Variants in GMDS observed in about 807,000 individuals in gnomAD.
GMDS encodes GDP-mannose 4,6 dehydratase.
A neutral mutation model predicts 49.9 loss-of-function variants in GMDS; 20 were observed. That is an observed-to-expected ratio of 0.40 (90% CI 0.28 to 0.58). The LOEUF (loss-of-function observed/expected upper bound fraction) is 0.58. GMDS is among the 20% of genes least tolerant of loss of function. The pLI, the probability that GMDS is intolerant of heterozygous loss-of-function variation, is 0.42. For missense variants in GMDS, 362 were observed against 481.4 expected (o/e 0.75, Z 2.32); for synonymous variants, 177 against 178.6 (o/e 0.99, Z 0.07).
At chr6:1,692,412 T>C (rs1406233588) in intron 9 of GMDS, among the ~76,000 whole-genome samples, 1 of 152,196 alleles carries the variant, frequency 6.6e-6, no homozygotes, top group African/African-American at 2.4e-5. Flanking sequence ...TAATACAGGG[T>C]TTGTTGAGCT....
intron 6 of GMDS, among the ~76,000 whole-genome samples, chr6:1,934,808 G>A (rs1380515091): frequency 6.6e-6 from 1 of 151,888 alleles, no homozygotes; most frequent in Non-Finnish European, 1.5e-5. Flanking sequence ...CTCTTTTAAG[G>A]AAGAAACTAT....
chr6:1,732,267 C>T (rs968248543), intron 8 of GMDS, among the ~76,000 whole-genome samples: 1 of 152,162 alleles, frequency 6.6e-6, no homozygotes, highest in African/African-American at 2.4e-5. Flanking sequence ...GCGGAGGTTG[C>T]AGTGAGCCCA....
intron 9 of GMDS, among the ~76,000 whole-genome samples, chr6:1,675,559 A>G (rs1263729846): frequency 6.6e-6 from 1 of 152,152 alleles, no homozygotes; most frequent in Non-Finnish European, 1.5e-5. Context: ...ACCATCAAGT[A>G]TAATGTTAGC....
chr6:1,913,151 G>A (rs1448301311), intron 7 of GMDS, among the ~76,000 whole-genome samples: 1 of 152,004 alleles, frequency 6.6e-6, no homozygotes, highest in African/African-American at 2.4e-5. Flanking sequence ...GGAGGCCGAG[G>A]CGGGCGGATC....
At chr6:2,089,682 G>C (rs757113199) in intron 4 of GMDS, among the ~76,000 whole-genome samples, 4 of 152,134 alleles carry the variant, frequency 2.6e-5, no homozygotes, top group Admixed American at 2.6e-4. Context: ...ACTTCCTCCA[G>C]AGAGAAATTC....
intron 7 of GMDS, among the ~76,000 whole-genome samples, chr6:1,783,176 A>G (rs892403649): frequency 6.6e-6 from 1 of 152,108 alleles, no homozygotes; most frequent in Admixed American, 6.5e-5. Flanking sequence ...GAGAGGAGAG[A>G]GGAGAAGGTT....
At chr6:1,654,530 G>A (rs1338525715) in intron 9 of GMDS, among the ~76,000 whole-genome samples, 1 of 152,178 alleles carries the variant, frequency 6.6e-6, no homozygotes, top group Non-Finnish European at 1.5e-5. Context: ...AATACTCCAT[G>A]GTTCCACTTA....
intron 7 of GMDS, among the ~76,000 whole-genome samples, chr6:1,751,421 C>A (rs1016264510): frequency 1.3e-5 from 2 of 151,920 alleles, no homozygotes; most frequent in African/African-American, 4.8e-5. Context: ...CTGGTGATAC[C>A]AAAAAAAACT....
chr6:1,844,231 T>C (rs914904442), intron 7 of GMDS, among the ~76,000 whole-genome samples: 2 of 152,256 alleles, frequency 1.3e-5, no homozygotes, highest in African/African-American at 4.8e-5. Flanking sequence ...AAACCCTGTA[T>C]TTTTCCTAGT....
intron 7 of GMDS, among the ~76,000 whole-genome samples, chr6:1,814,358 G>A (rs193209577): frequency 1.9e-3 from 294 of 152,066 alleles, no homozygotes; most frequent in Middle Eastern, 0.01. Flanking sequence ...TGCATTTTGG[G>A]ACTATAAAGA....
chr6:2,122,952 G>C (rs1031006178), intron 2 of GMDS, among the ~76,000 whole-genome samples: 1 of 152,032 alleles, frequency 6.6e-6, no homozygotes, highest in Admixed American at 6.6e-5. Context: ...TTGTCTTTTT[G>C]TGTCATAATA....
intron 7 of GMDS, among the ~76,000 whole-genome samples, chr6:1,852,252 G>A (rs1179488281): frequency 1.3e-5 from 2 of 152,166 alleles, no homozygotes; most frequent in Non-Finnish European, 2.9e-5. Context: ...TCAAGAGCTC[G>A]CAAAATGCCC....
rs1004538777 is a variant in GMDS, at chr6:1,930,109, A to G, written c.765T>C (p.Tyr255=). 2 of 1,611,382 alleles carry G rather than the reference A, an allele frequency of 1.2e-6. No individual in the cohort carries two copies. Among genetic ancestry groups the G allele is most frequent in the Non-Finnish European group, 1.7e-6 (2 of 1,178,400 alleles). Residue 255 remains tyrosine (Y), a synonymous_variant, in exon 7 of 11, where the codon TAT becomes TAC. Transcript: ENST00000380815. ...AKRDWGHAKD[Y]VEAMWLMLQN... Reference sequence around the variant, plus strand: ...GTAATGTGTCAGTTCCTACCTCCACATAGTCCTTGGCATGGCCCCAATCTC... The same window carrying G: ...GTAATGTGTCAGTTCCTACCTCCACGTAGTCCTTGGCATGGCCCCAATCTC...
At chr6:1,874,573 C>T (rs1758938707) in intron 7 of GMDS, among the ~76,000 whole-genome samples, 2 of 152,094 alleles carry the variant, frequency 1.3e-5, no homozygotes, top group Non-Finnish European at 2.9e-5. Flanking sequence ...ATGTAGCTGT[C>T]GTTATCCTGA....
chr6:1,811,572 T>TC lies in GMDS; in HGVS notation c.772-68987_772-68986insG, dbSNP rs1273975599. Among the ~76,000 whole-genome samples, 358 of 151,702 alleles carry TC rather than the reference T, an allele frequency of 2.4e-3. 1 individual carries two copies. Among genetic ancestry groups the TC allele is most frequent in the African/African-American group, 8.4e-3 (347 of 41,372 alleles). ...TAGTCAAGCTTTTTTTTTTTTTTTT[T>TC]TCAACTGAAGCCCTTCACAATGCTT... On this transcript the variant is annotated intron_variant, in intron 7 of 10. Transcript: ENST00000380815.
At chr6:1,992,354 C>T (rs527749413) in intron 4 of GMDS, among the ~76,000 whole-genome samples, 1 of 152,282 alleles carries the variant, frequency 6.6e-6, no homozygotes, top group Admixed American at 6.5e-5. Flanking sequence ...TGAAGCAAGG[C>T]TGGTGATCAT....
intron 7 of GMDS, among the ~76,000 whole-genome samples, chr6:1,886,080 A>G (rs1759593758): frequency 6.6e-6 from 1 of 152,208 alleles, no homozygotes; most frequent in Non-Finnish European, 1.5e-5. Context: ...AGAAAAGAAG[A>G]AAAGTTATGA....
chr6:1,869,136 G>T (rs575856092), intron 7 of GMDS, among the ~76,000 whole-genome samples: 1 of 152,194 alleles, frequency 6.6e-6, no homozygotes, highest in Non-Finnish European at 1.5e-5. Flanking sequence ...TCTACTGGGG[G>T]AGATAGCTCA....
chr6:2,100,475 C>T (rs185563205), intron 4 of GMDS, among the ~76,000 whole-genome samples: 161 of 152,132 alleles, frequency 1.1e-3, no homozygotes, highest in Middle Eastern at 3.4e-3. Context: ...TAAGATACCT[C>T]TATATGCAAC....
Sources: gnomAD v4.1 joint callset for allele counts (sites outside exome capture counted in the v4.1 genomes callset) on GRCh38, gnomAD v4.1.1 for gene constraint, MANE v1.5 for transcripts, NCBI Gene and HGNC (gene_info 2026-07-23, HGNC 2026-07-21) for gene names.